Variants in ADCY10 observed in about 807,000 individuals in gnomAD.
ADCY10 encodes adenylate cyclase type 10.
ADCY10 carries 156 observed loss-of-function variants against 183.3 expected under a neutral mutation model. The observed-to-expected ratio is 0.85, with a 90% CI of 0.75 to 0.97. The LOEUF (loss-of-function observed/expected upper bound fraction) is 0.97, where lower values mean the gene tolerates loss of function less well. Among genes scored for constraint, ADCY10 ranks in the 50% least tolerant of loss-of-function variants. The probability of loss-of-function intolerance (pLI) is 0.00; values close to 1 mark genes in which losing one functional copy is unlikely to be tolerated. For missense variants in ADCY10, 1,745 were observed against 1,934.3 expected (o/e 0.90, Z 1.84); for synonymous variants, 645 against 670.0 (o/e 0.96, Z 0.58).
intron 16 of ADCY10, among the ~76,000 whole-genome samples, chr1:167,858,393 G>A (rs769617290): frequency 6.6e-6 from 1 of 151,582 alleles, no homozygotes; most frequent in Non-Finnish European, 1.5e-5. Context: ...AGCTAGTCGG[G>A]AGGCTGAGGC....
chr1:167,811,415 C>A lies in ADCY10; in HGVS notation c.4483-502G>T, dbSNP rs187928589. On this transcript the variant is annotated intron_variant, in intron 31 of 32. Transcript: ENST00000367851. ...CATCCTGGCCAACATGGTGAAACTC[C>A]GTCTCTACTAAAAATACAAAAATTA... Among the ~76,000 whole-genome samples, 25 of 152,096 alleles carry A rather than the reference C, an allele frequency of 1.6e-4. No homozygotes were observed. In the East Asian group the frequency reaches 4.1e-3, roughly 25 times the overall value.
intron 31 of ADCY10, among the ~76,000 whole-genome samples, chr1:167,816,024 T>A (rs1120604): frequency 2.0e-5 from 3 of 150,618 alleles, no homozygotes; most frequent in Admixed American, 2.0e-4. Context: ...CCAAGGATTG[T>A]GGGATAAGTA....
At chr1:167,844,891 C>T (rs757060548) in intron 21 of ADCY10, among the ~76,000 whole-genome samples, 17 of 152,126 alleles carry the variant, frequency 1.1e-4, no homozygotes, top group Non-Finnish European at 1.8e-4. Flanking sequence ...AGCTCCCTGG[C>T]CACCATGAAT....
At chr1:167,863,554 T>G (rs921688006) in intron 14 of ADCY10, among the ~76,000 whole-genome samples, 5 of 151,870 alleles carry the variant, frequency 3.3e-5, no homozygotes, top group Admixed American at 6.6e-5. Context: ...GGGTTTTGTC[T>G]GCGGCTCATC....
intron 14 of ADCY10, among the ~76,000 whole-genome samples, chr1:167,866,750 TAAAAAAA>T (rs368735411): frequency 8.1e-6 from 1 of 123,098 alleles, no homozygotes; most frequent in African/African-American, 2.9e-5. Context: ...AAAGTTCACT[TAAAAAAA>T]AAAAAAAAAG....
intron 28 of ADCY10, among the ~76,000 whole-genome samples, chr1:167,823,998 T>A (rs1164100268): frequency 2.0e-5 from 3 of 152,128 alleles, no homozygotes; most frequent in African/African-American, 7.2e-5. Context: ...AGATTAGAGA[T>A]GATGCAAGGC....
intron 3 of ADCY10, 141 bp downstream of exon 3, chr1:167,903,746 A>C (rs1669607643): frequency 1.5e-6 from 1 of 675,608 alleles, no homozygotes; most frequent in South Asian, 1.6e-5. Context: ...ATCATATTTC[A>C]AAAAAGACTG....
At chr1:167,845,308 A>G (rs1664923799) in intron 21 of ADCY10, among the ~76,000 whole-genome samples, 1 of 152,176 alleles carries the variant, frequency 6.6e-6, no homozygotes, top group South Asian at 2.1e-4. Flanking sequence ...TTCTGGTCAC[A>G]TCCCATTTTG....
rs12038967 is a variant in ADCY10, at chr1:167,871,860, G to C, written c.1463-1450C>G. 2.6e-5 allele frequency among the ~76,000 whole-genome samples: 4 copies of C among 152,002 alleles called. No individual in the cohort carries two copies. In the East Asian group the frequency reaches 7.7e-4, roughly 29 times the overall value. Reference sequence around the variant, plus strand: ...GAAAATGCATTTGAACCTCAATTTCGTGAGATGTTTTGTGTTTTTCTTTGG... The same window carrying C: ...GAAAATGCATTTGAACCTCAATTTCCTGAGATGTTTTGTGTTTTTCTTTGG... On this transcript the variant is annotated intron_variant, in intron 13 of 32. Transcript: ENST00000367851.
chr1:167,898,874 C>T (rs1306056709), intron 6 of ADCY10, among the ~76,000 whole-genome samples: 1 of 152,134 alleles, frequency 6.6e-6, no homozygotes, highest in African/African-American at 2.4e-5. Context: ...CAAAGCACAG[C>T]TTTTTTAATT....
At chr1:167,885,337 T>C (rs1668147736) in intron 8 of ADCY10, among the ~76,000 whole-genome samples, 1 of 152,230 alleles carries the variant, frequency 6.6e-6, no homozygotes, top group South Asian at 2.1e-4. Context: ...ATGGTAGCTC[T>C]ATTTTTAGCT....
At chr1:167,854,532 C>A in intron 17 of ADCY10, 43 bp from the exon 18 acceptor site, 1 of 1,610,050 alleles carries the variant, frequency 6.2e-7, no homozygotes. Context: ...GAAGATACAT[C>A]TTTTAGGAAG....
At chr1:167,901,976 A>T in intron 4 of ADCY10, 40 bp downstream of exon 4, 1 of 1,610,830 alleles carries the variant, frequency 6.2e-7, no homozygotes, top group South Asian at 1.1e-5. Context: ...GCACCTCAGC[A>T]CTCCTTTCTT....
Position 167,875,168 on chromosome 1 carries a change from G to A in ADCY10, c.1425C>T (p.Cys475=), listed in dbSNP as rs530257683. Reference sequence around the variant, plus strand: ...AATCCTCCTTTCTGTTGCAGATGAGGCACGCCATACCAAACATGCTGAAGA... The same window carrying A: ...AATCCTCCTTTCTGTTGCAGATGAGACACGCCATACCAAACATGCTGAAGA... The part of the protein sequence containing the change: ...RTEKVMFGMA[C]LICNRKEDYP... The change falls in exon 13 of 33, where the codon TGC becomes TGT. Residue 475 remains cysteine (C), a synonymous_variant. Transcript: ENST00000367851. 3.7e-5 allele frequency: 59 copies of A among 1,614,090 alleles called. No individual in the cohort carries two copies. The South Asian group carries it at 6.0e-4, about 17-fold the overall frequency.
chr1:167,816,114 G>A (rs1356491401), intron 31 of ADCY10, among the ~76,000 whole-genome samples: 1 of 151,850 alleles, frequency 6.6e-6, no homozygotes, highest in Non-Finnish European at 1.5e-5. Context: ...CTTGAAGCAA[G>A]AAAGACTGAA....
intron 25 of ADCY10, among the ~76,000 whole-genome samples, chr1:167,831,281 C>CG (rs1299809275): frequency 2.6e-5 from 4 of 152,234 alleles, no homozygotes; most frequent in African/African-American, 9.6e-5. Context: ...CCTCCACCTC[C>CG]CTGGTTCAAG....
At chr1:167,877,338 CA>C (rs1005928029) in intron 12 of ADCY10, among the ~76,000 whole-genome samples, 2 of 151,362 alleles carry the variant, frequency 1.3e-5, no homozygotes, top group Non-Finnish European at 2.9e-5. Flanking sequence ...TTCATGTATT[CA>C]AACTGCACTT....
rs567026329 is a variant in ADCY10 at position 167,810,082 on chromosome 1, G to C, written c.4672-243C>G. On this transcript the variant is annotated intron_variant, in intron 32 of 32. Coordinates refer to ENST00000367851, the MANE Select transcript of ADCY10 (RefSeq NM_018417.6). ...TATAGGGCTCTGTGCTAGGCACTAAGTGTGGTTTTTGCTTTCAAAGAGTTC... is the reference window on the plus strand; with the variant it reads ...TATAGGGCTCTGTGCTAGGCACTAACTGTGGTTTTTGCTTTCAAAGAGTTC... 6.6e-5 allele frequency among the ~76,000 whole-genome samples: 10 copies of C among 152,298 alleles called. No homozygotes were observed. In the South Asian group the frequency reaches 8.3e-4, roughly 13 times the overall value.
chr1:167,845,659 C>A lies in ADCY10; in HGVS notation c.2911G>T (p.Asp971Tyr). 6.2e-7 allele frequency: 1 copy of A among 1,614,262 alleles called. No individual in the cohort carries two copies. The highest frequency in any genetic ancestry group is 1.1e-5 in the South Asian group (1 of 91,090). Residue 971 changes from aspartate (D) to tyrosine (Y), a missense_variant, in exon 21 of 33, where the codon GAC (aspartate) becomes TAC (tyrosine). Transcript: ENST00000367851. Reference sequence around the variant, plus strand: ...GTGAAGTGATGATAGGGAATGAAGTCCCTGCCTCGGCAGTGGTCACATCTG... The same window carrying A: ...GTGAAGTGATGATAGGGAATGAAGTACCTGCCTCGGCAGTGGTCACATCTG... Reference protein sequence around the residue: ...AHRCDHCRGRDFIPYHHFTVN... With the variant: ...AHRCDHCRGRYFIPYHHFTVN...
Sources: gnomAD v4.1 joint callset for allele counts (sites outside exome capture counted in the v4.1 genomes callset) on GRCh38, gnomAD v4.1.1 for gene constraint, MANE v1.5 for transcripts, NCBI Gene and HGNC (gene_info 2026-07-23, HGNC 2026-07-21) for gene names.